CADM2: variants seen among roughly 807,000 people sequenced by gnomAD.
CADM2 encodes the protein cell adhesion molecule 2, also known as immunoglobulin superfamily member 4D.
In CADM2, 12 loss-of-function variants were observed where a neutral mutation model predicts 49.8. That is an observed-to-expected ratio of 0.24 (90% CI 0.15 to 0.39). The LOEUF is 0.39. Among genes scored for constraint, CADM2 ranks in the 10% least tolerant of loss-of-function variants. CADM2 has a pLI of 1.00. For synonymous variants in CADM2, 214 were observed against 175.4 expected (o/e 1.22, Z -1.74); for missense variants, 378 against 492.3 (o/e 0.77, Z 2.20).
At chr3:85,139,901 G>A (rs1013403985) in intron 1 of CADM2, among the ~76,000 whole-genome samples, 3 of 152,228 alleles carry the variant, frequency 2.0e-5, no homozygotes, top group African/African-American at 7.2e-5. Flanking sequence ...TGCCTGTGGA[G>A]TGAAGGGAAG....
chr3:85,729,481 G>C (rs773079136), intron 2 of CADM2, among the ~76,000 whole-genome samples: 6 of 96,438 alleles, frequency 6.2e-5, no homozygotes, highest in Non-Finnish European at 1.3e-4. Flanking sequence ...CTTATAACTG[G>C]GAAAGGGCTA....
chr3:85,504,671 G>T (rs1333477082), intron 1 of CADM2, among the ~76,000 whole-genome samples: 1 of 152,164 alleles, frequency 6.6e-6, no homozygotes, highest in Non-Finnish European at 1.5e-5. Context: ...CGCGCCGTGC[G>T]CCCGCACTCC....
At position 86,073,509 on chromosome 3, in the gene CADM2, C is replaced by T. The variant is rs936925570; in HGVS notation, c.*6726C>T. 11 of 152,042 alleles carry T rather than the reference C, an allele frequency of 7.2e-5. No homozygotes were observed. Among genetic ancestry groups the T allele is most frequent in the East Asian group, 1.9e-4 (1 of 5,176 alleles). The allele number at this position is 152,042 out of a possible 1,614,324, so 9.4% of individuals were successfully genotyped here. ...TACAAAGTATTCAATGTGTACTTAG[C>T]GGCGCTTAAAATATGTCATGTACAA... On this transcript the variant is annotated 3_prime_UTR_variant, in exon 10 of 10. Coordinates refer to ENST00000383699, the MANE Select transcript of CADM2 (RefSeq NM_001167675.2).
chr3:85,212,842 CTT>C (rs1411108236), intron 1 of CADM2, among the ~76,000 whole-genome samples: 1 of 113,974 alleles, frequency 8.8e-6, no homozygotes, highest in East Asian at 2.3e-4. Flanking sequence ...TTCTTTCTTT[CTT>C]TCTTTCTTTC....
chr3:85,720,635 G>A (rs895626989), intron 1 of CADM2, among the ~76,000 whole-genome samples: 2 of 152,078 alleles, frequency 1.3e-5, no homozygotes, highest in South Asian at 4.1e-4. Context: ...ACTTTTTCAA[G>A]TCTTTGAATT....
chr3:85,301,890 G>GA (rs1167683802), intron 1 of CADM2, among the ~76,000 whole-genome samples: 1 of 152,004 alleles, frequency 6.6e-6, no homozygotes, highest in East Asian at 1.9e-4. Context: ...TTAGACTTCA[G>GA]AAAAATTTTT....
chr3:85,998,238 T>C (rs1220607890), intron 8 of CADM2, among the ~76,000 whole-genome samples: 1 of 152,150 alleles, frequency 6.6e-6, no homozygotes, highest in Non-Finnish European at 1.5e-5. Context: ...TGAAAAACTA[T>C]TTTCATACTG....
intron 2 of CADM2, among the ~76,000 whole-genome samples, chr3:85,758,257 C>A (rs2107890235): frequency 6.6e-6 from 1 of 152,194 alleles, no homozygotes; most frequent in South Asian, 2.1e-4. Flanking sequence ...GAACATTAAT[C>A]AGCAAAACTT....
At chr3:85,487,758 G>A (rs867958649) in intron 1 of CADM2, among the ~76,000 whole-genome samples, 4 of 151,332 alleles carry the variant, frequency 2.6e-5, no homozygotes, top group African/African-American at 4.9e-5. Context: ...GTGTGTGTGC[G>A]TGTGTGTGTG....
chr3:84,988,513 C>A (rs536939480), intron 1 of CADM2, among the ~76,000 whole-genome samples: 3 of 152,290 alleles, frequency 2.0e-5, no homozygotes, highest in African/African-American at 7.2e-5. Context: ...GTAAATTCAA[C>A]TCTCAATAAC....
At chr3:85,119,684 G>A (rs2038783466) in intron 1 of CADM2, among the ~76,000 whole-genome samples, 1 of 152,022 alleles carries the variant, frequency 6.6e-6, no homozygotes, top group South Asian at 2.1e-4. Flanking sequence ...CTTGAGCAGT[G>A]GTTTGTAGTT....
intron 1 of CADM2, among the ~76,000 whole-genome samples, chr3:85,440,732 CA>C (rs2037161739): frequency 6.6e-6 from 1 of 151,988 alleles, no homozygotes; most frequent in African/African-American, 2.4e-5. Flanking sequence ...TCTGTAATCC[CA>C]GTACTTTGGG....
At chr3:84,969,683 G>C (rs1023728289) in intron 1 of CADM2, among the ~76,000 whole-genome samples, 3 of 151,662 alleles carry the variant, frequency 2.0e-5, no homozygotes, top group African/African-American at 7.3e-5. Context: ...TCATTTATAT[G>C]TAATACACAG....
At chr3:85,911,517 C>T (rs764599140) in intron 5 of CADM2, among the ~76,000 whole-genome samples, 1 of 152,180 alleles carries the variant, frequency 6.6e-6, no homozygotes, top group Non-Finnish European at 1.5e-5. Flanking sequence ...CAAATATATA[C>T]TTAAGTATTC....
At chr3:85,468,111 G>A (rs2038590874) in intron 1 of CADM2, among the ~76,000 whole-genome samples, 1 of 117,406 alleles carries the variant, frequency 8.5e-6, no homozygotes, top group African/African-American at 3.3e-5. Flanking sequence ...CCGAGATCCC[G>A]CCACTGCACT....
intron 1 of CADM2, among the ~76,000 whole-genome samples, chr3:85,513,039 G>A (rs1008978916): frequency 1.3e-5 from 2 of 151,954 alleles, no homozygotes; most frequent in African/African-American, 2.4e-5. Flanking sequence ...CTAGAGATAC[G>A]TGTAATATCT....
At chr3:85,697,736 G>T (rs1306661679) in intron 1 of CADM2, among the ~76,000 whole-genome samples, 1 of 152,114 alleles carries the variant, frequency 6.6e-6, no homozygotes, top group African/African-American at 2.4e-5. Context: ...TATTGACAGT[G>T]TTCCATTTCT....
chr3:85,643,409 T>A (rs948432781), intron 1 of CADM2, among the ~76,000 whole-genome samples: 1 of 152,190 alleles, frequency 6.6e-6, no homozygotes, highest in African/African-American at 2.4e-5. Context: ...CCAATTTTGT[T>A]TTACACTGAA....
intron 5 of CADM2, among the ~76,000 whole-genome samples, chr3:85,892,501 G>T (rs1366028646): frequency 6.6e-6 from 1 of 152,050 alleles, no homozygotes; most frequent in East Asian, 1.9e-4. Flanking sequence ...TTTTTCCCAT[G>T]CTGTTCCCAT....
Sources: gnomAD v4.1 joint callset for allele counts (sites outside exome capture counted in the v4.1 genomes callset) on GRCh38, gnomAD v4.1.1 for gene constraint, MANE v1.5 for transcripts, NCBI Gene and HGNC (gene_info 2026-07-23, HGNC 2026-07-21) for gene names.